ANKFN1: variants seen among roughly 807,000 people sequenced by gnomAD.
The protein encoded by ANKFN1 is ankyrin repeat and fibronectin type III domain containing 1, also known as ankyrin repeat and fibronectin type-III domain-containing protein 1.
A neutral mutation model predicts 108.7 loss-of-function variants in ANKFN1; 74 were observed. The ratio of observed to expected loss-of-function variants is 0.68; its 90% CI spans 0.56 to 0.83. The LOEUF is 0.83. Among genes scored for constraint, ANKFN1 ranks in the 40% least tolerant of loss-of-function variants. The pLI is 0.00. For missense variants in ANKFN1, 1,505 were observed against 1,382.3 expected (o/e 1.09, Z -1.41); for synonymous variants, 547 against 516.2 (o/e 1.06, Z -0.81).
intron 3 of ANKFN1, among the ~76,000 whole-genome samples, chr17:56,291,111 G>T (rs1402491253): frequency 6.6e-6 from 1 of 152,284 alleles, no homozygotes; most frequent in African/African-American, 2.4e-5. Context: ...CCTGACAAAT[G>T]ATCAGAATAG....
chr17:56,315,744 G>A (rs1418970816), intron 3 of ANKFN1, among the ~76,000 whole-genome samples: 1 of 152,146 alleles, frequency 6.6e-6, no homozygotes, highest in Non-Finnish European at 1.5e-5. Context: ...TTCAGACTCT[G>A]CTCTATCTGA....
chr17:56,254,427 T>A (rs1299495959), intron 3 of ANKFN1, among the ~76,000 whole-genome samples: 1 of 152,208 alleles, frequency 6.6e-6, no homozygotes, highest in African/African-American at 2.4e-5. Context: ...CCTTTCATTA[T>A]CTAAGGGTGG....
chr17:56,372,577 A>G, intron 6 of ANKFN1, 69 bp from the exon 7 acceptor site: 1 of 1,316,422 alleles, frequency 7.6e-7, no homozygotes, highest in South Asian at 1.3e-5. Flanking sequence ...AAACTCTGGG[A>G]TATATCCTTC....
intron 8 of ANKFN1, among the ~76,000 whole-genome samples, chr17:56,430,595 C>A (rs959118001): frequency 6.6e-6 from 1 of 151,596 alleles, no homozygotes; most frequent in Non-Finnish European, 1.5e-5. Context: ...AATCATTTCA[C>A]TATGTATATG....
At chr17:56,195,880 G>GTA (rs35264339) in intron 1 of ANKFN1, among the ~76,000 whole-genome samples, 8,958 of 151,972 alleles carry the variant, frequency 0.059, 286 homozygotes, top group African/African-American at 0.093. Context: ...CTCAGGCATA[G>GTA]TATATATATA....
chr17:56,298,820 A>T (rs1278926653), intron 3 of ANKFN1, among the ~76,000 whole-genome samples: 1 of 152,248 alleles, frequency 6.6e-6, no homozygotes, highest in Non-Finnish European at 1.5e-5. Flanking sequence ...ATTTTTAACA[A>T]CTTGACCCTT....
intron 1 of ANKFN1, among the ~76,000 whole-genome samples, chr17:56,185,183 A>AT (rs1314217543): frequency 6.6e-6 from 1 of 152,168 alleles, no homozygotes; most frequent in African/African-American, 2.4e-5. Context: ...TGGTACATAT[A>AT]TACTGATGTG....
At chr17:56,046,487 C>T (rs1224758929) in intron 4 of ANKFN1, among the ~76,000 whole-genome samples, 1 of 151,944 alleles carries the variant, frequency 6.6e-6, no homozygotes, top group Non-Finnish European at 1.5e-5. Context: ...AGTGTGCCCA[C>T]ACGCACTTGC....
At chr17:56,214,904 G>A (rs1184310876) in intron 2 of ANKFN1, among the ~76,000 whole-genome samples, 1 of 152,200 alleles carries the variant, frequency 6.6e-6, no homozygotes, top group Non-Finnish European at 1.5e-5. Context: ...AGGATGTATA[G>A]CAATGTGTAC....
intron 4 of ANKFN1, among the ~76,000 whole-genome samples, chr17:56,053,148 CT>C (rs1853360881): frequency 6.6e-6 from 1 of 152,036 alleles, no homozygotes; most frequent in South Asian, 2.1e-4. Flanking sequence ...TATTATTTTA[CT>C]TTTTTTATTT....
intron 3 of ANKFN1, among the ~76,000 whole-genome samples, chr17:56,289,332 A>T (rs2144297311): frequency 6.6e-6 from 1 of 151,936 alleles, no homozygotes; most frequent in Middle Eastern, 3.4e-3. Context: ...ACAGTTTTCC[A>T]TTTTTTTTCT....
chr17:56,355,947 A>G (rs1395446211), intron 6 of ANKFN1, among the ~76,000 whole-genome samples: 1 of 151,898 alleles, frequency 6.6e-6, no homozygotes, highest in East Asian at 1.9e-4. Context: ...TCACTCCCCA[A>G]TCTCCCCAAC....
At chr17:56,093,340 A>G (rs1313312514) in intron 4 of ANKFN1, among the ~76,000 whole-genome samples, 1 of 151,234 alleles carries the variant, frequency 6.6e-6, no homozygotes, top group East Asian at 1.9e-4. Context: ...CTTCTCAACT[A>G]TGACTGTGTG....
intron 6 of ANKFN1, among the ~76,000 whole-genome samples, chr17:56,356,265 T>A (rs1476596940): frequency 6.6e-6 from 1 of 152,152 alleles, no homozygotes; most frequent in Non-Finnish European, 1.5e-5. Context: ...GGCACTCACA[T>A]TCCCCTTAGT....
Position 56,266,325 on chromosome 17 carries a change from T to A in ANKFN1, c.53+38368T>A, listed in dbSNP as rs2043650138. Among the ~76,000 whole-genome samples the A allele has an allele frequency of 2.0e-5, 3 of 152,324 alleles. No homozygotes were observed. In the South Asian group the frequency reaches 6.2e-4, roughly 32 times the overall value. On this transcript the variant is annotated intron_variant, in intron 3 of 20. Transcript: ENST00000682825. Reference sequence around the variant, plus strand: ...CAGACACATTGTTGTTGAATCATCATGAGTCTGTATGCTGCTTCAACCTGA... The same window carrying A: ...CAGACACATTGTTGTTGAATCATCAAGAGTCTGTATGCTGCTTCAACCTGA...
chr17:56,176,666 T>A (rs969736520), intron 1 of ANKFN1, among the ~76,000 whole-genome samples: 1 of 152,210 alleles, frequency 6.6e-6, no homozygotes, highest in African/African-American at 2.4e-5. Context: ...AGCACTTTTT[T>A]AAGACTTATG....
chr17:56,254,388 AGC>A (rs1460068697), intron 3 of ANKFN1, among the ~76,000 whole-genome samples: 2 of 152,228 alleles, frequency 1.3e-5, no homozygotes, highest in Non-Finnish European at 2.9e-5. Context: ...GTTACAACAA[AGC>A]TGCCCTGTTG....
intron 8 of ANKFN1, among the ~76,000 whole-genome samples, chr17:56,410,097 A>G (rs977109771): frequency 1.3e-5 from 2 of 152,184 alleles, no homozygotes; most frequent in East Asian, 3.9e-4. Flanking sequence ...ATATTGTTGT[A>G]TTTTTTTGAG....
intron 4 of ANKFN1, among the ~76,000 whole-genome samples, chr17:56,338,861 G>A (rs1010550130): frequency 9.9e-5 from 15 of 152,056 alleles, no homozygotes. Context: ...GGTAAAGCCT[G>A]AAGGGACAAA....
Sources: gnomAD v4.1 joint callset for allele counts (sites outside exome capture counted in the v4.1 genomes callset) on GRCh38, gnomAD v4.1.1 for gene constraint, MANE v1.5 for transcripts, NCBI Gene and HGNC (gene_info 2026-07-23, HGNC 2026-07-21) for gene names.